FSTL5: variants seen among roughly 807,000 people sequenced by gnomAD.
FSTL5 encodes the protein follistatin-related protein 5.
In FSTL5, 62 loss-of-function variants were observed where a neutral mutation model predicts 89.1. The ratio of observed to expected loss-of-function variants is 0.70; its 90% CI spans 0.57 to 0.86. FSTL5 has a LOEUF of 0.86. FSTL5 is among the 40% of genes least tolerant of loss of function. The probability of loss-of-function intolerance (pLI) is 0.00; values close to 1 mark genes in which losing one functional copy is unlikely to be tolerated. For synonymous variants in FSTL5, 383 were observed against 346.2 expected (o/e 1.11, Z -1.18); for missense variants, 1,057 against 1,001.6 (o/e 1.06, Z -0.75).
chr4:161,918,697 T>C (rs529799734), intron 4 of FSTL5, among the ~76,000 whole-genome samples: 10 of 151,890 alleles, frequency 6.6e-5, no homozygotes, highest in Non-Finnish European at 1.5e-5. Context: ...TAGGCTGGAG[T>C]GCAGTGGTGC....
At chr4:161,694,810 G>A (rs1286736955) in intron 6 of FSTL5, among the ~76,000 whole-genome samples, 1 of 109,006 alleles carries the variant, frequency 9.2e-6, no homozygotes, top group Non-Finnish European at 2.0e-5. Flanking sequence ...GGGTGCAGTT[G>A]TTCATTTGCT....
At chr4:162,074,739 G>T (rs956523170) in intron 2 of FSTL5, among the ~76,000 whole-genome samples, 1 of 151,556 alleles carries the variant, frequency 6.6e-6, no homozygotes, top group Non-Finnish European at 1.5e-5. Context: ...ATTAACATAC[G>T]CATTACCTCA....
intron 8 of FSTL5, among the ~76,000 whole-genome samples, chr4:161,554,377 T>G (rs1732318396): frequency 6.6e-6 from 1 of 151,576 alleles, no homozygotes; most frequent in African/African-American, 2.4e-5. Flanking sequence ...TAATCCAATA[T>G]TAGAAAGATT....
At chr4:161,454,017 T>C (rs1292943151) in intron 15 of FSTL5, among the ~76,000 whole-genome samples, 1 of 152,234 alleles carries the variant, frequency 6.6e-6, no homozygotes, top group Non-Finnish European at 1.5e-5. Context: ...AGGAATAATT[T>C]ATTCTATCTT....
At chr4:162,032,376 CTT>C (rs1737566097) in intron 3 of FSTL5, among the ~76,000 whole-genome samples, 1 of 152,018 alleles carries the variant, frequency 6.6e-6, no homozygotes, top group African/African-American at 2.4e-5. Flanking sequence ...TAGTATAAAA[CTT>C]GGAGTTAATA....
chr4:161,416,929 A>G (rs1303952641), intron 15 of FSTL5, among the ~76,000 whole-genome samples: 1 of 152,000 alleles, frequency 6.6e-6, no homozygotes, highest in East Asian at 1.9e-4. Context: ...TAAATTGACT[A>G]TATTCTAAAA....
chr4:161,961,068 T>C (rs1177638794), intron 3 of FSTL5, among the ~76,000 whole-genome samples: 1 of 152,116 alleles, frequency 6.6e-6, no homozygotes, highest in Non-Finnish European at 1.5e-5. Flanking sequence ...AGATATTTAT[T>C]CTCAAAAGAA....
intron 2 of FSTL5, among the ~76,000 whole-genome samples, chr4:162,049,069 A>G (rs1322103518): frequency 2.0e-5 from 3 of 152,196 alleles, no homozygotes; most frequent in African/African-American, 7.2e-5. Context: ...GAATATATAT[A>G]TATGAGTTTA....
intron 15 of FSTL5, among the ~76,000 whole-genome samples, chr4:161,451,855 C>T (rs1230982474): frequency 6.6e-6 from 1 of 152,110 alleles, no homozygotes; most frequent in Non-Finnish European, 1.5e-5. Flanking sequence ...ACTTCCATTC[C>T]TATGAGAAAC....
chr4:161,977,469 C>T (rs984372014), intron 3 of FSTL5, among the ~76,000 whole-genome samples: 13 of 150,922 alleles, frequency 8.6e-5, no homozygotes, highest in South Asian at 2.1e-4. Context: ...AAAAATTAGC[C>T]GGGCCTGGTG....
chr4:161,634,613 A>G (rs932563550), intron 7 of FSTL5, among the ~76,000 whole-genome samples: 9 of 152,200 alleles, frequency 5.9e-5, no homozygotes, highest in Non-Finnish European at 4.4e-5. Flanking sequence ...CCTGGAAAAC[A>G]TTATGCTAAG....
chr4:161,659,026 G>T (rs1368406290), intron 6 of FSTL5, among the ~76,000 whole-genome samples: 1 of 152,112 alleles, frequency 6.6e-6, no homozygotes. Flanking sequence ...ATGGTAATTA[G>T]ATAATATAAT....
rs988188001 is a variant in FSTL5 at position 161,484,640 on chromosome 4, T to C, written c.1459-3471A>G. ...CTTCACATTGGCTTTCATGACATCA[T>C]CTCTTTTAAAAGATATATTTTCAAG... On this transcript the variant is annotated intron_variant, in intron 12 of 15. Coordinates refer to ENST00000306100, the MANE Select transcript of FSTL5 (RefSeq NM_020116.5). Among the ~76,000 whole-genome samples the C allele has an allele frequency of 3.2e-4, 49 of 152,198 alleles. 1 individual carries two copies. The highest frequency in any genetic ancestry group is 1.1e-3 in the African/African-American group (45 of 41,464).
intron 6 of FSTL5, among the ~76,000 whole-genome samples, chr4:161,682,742 C>G (rs1737567042): frequency 6.6e-6 from 1 of 151,648 alleles, no homozygotes; most frequent in African/African-American, 2.4e-5. Context: ...TTACAGTTAA[C>G]TTTCCTTTTT....
chr4:162,125,860 C>T (rs898463660), intron 1 of FSTL5, among the ~76,000 whole-genome samples: 11 of 151,996 alleles, frequency 7.2e-5, no homozygotes, highest in Non-Finnish European at 1.5e-4. Context: ...CATATTTCTA[C>T]ATGTACTTTT....
intron 7 of FSTL5, among the ~76,000 whole-genome samples, chr4:161,636,263 C>T (rs1418074184): frequency 6.6e-6 from 1 of 152,022 alleles, no homozygotes; most frequent in African/African-American, 2.4e-5. Context: ...ACATAAAAAT[C>T]TATGAAACTG....
At chr4:161,592,744 G>A (rs1224800431) in intron 7 of FSTL5, among the ~76,000 whole-genome samples, 2 of 152,194 alleles carry the variant, frequency 1.3e-5, no homozygotes, top group African/African-American at 4.8e-5. Flanking sequence ...ACGTGAGCAA[G>A]TGTCTTTATA....
At chr4:161,975,576 G>A (rs1267671859) in intron 3 of FSTL5, among the ~76,000 whole-genome samples, 1 of 149,264 alleles carries the variant, frequency 6.7e-6, no homozygotes, top group East Asian at 2.0e-4. Flanking sequence ...ACACAGGAAG[G>A]GGAATATCAC....
intron 3 of FSTL5, among the ~76,000 whole-genome samples, chr4:162,001,033 C>T (rs1736448343): frequency 6.6e-6 from 1 of 152,198 alleles, no homozygotes; most frequent in African/African-American, 2.4e-5. Flanking sequence ...CTATTAAAAA[C>T]TATGCATCTT....
Sources: allele counts gnomAD v4.1 joint callset (sites outside exome capture counted in the v4.1 genomes callset), GRCh38; gene constraint gnomAD v4.1.1; transcripts MANE v1.5; gene names NCBI Gene and HGNC (gene_info 2026-07-23, HGNC 2026-07-21).